NALF1: variants seen among roughly 807,000 people sequenced by gnomAD.
The protein encoded by NALF1 is NALCN channel auxiliary factor 1, also known as family with sequence similarity 155 member A.
A neutral mutation model predicts 48.4 loss-of-function variants in NALF1; 3 were observed. The ratio of observed to expected loss-of-function variants is 0.06; its 90% CI spans 0.03 to 0.16. The LOEUF is 0.16. Among genes scored for constraint, NALF1 ranks in the 10% least tolerant of loss-of-function variants. The pLI is 1.00. For missense variants in NALF1, 526 were observed against 571.5 expected (o/e 0.92, Z 0.81); for synonymous variants, 262 against 245.7 (o/e 1.07, Z -0.62).
intron 1 of NALF1, among the ~76,000 whole-genome samples, chr13:107,593,477 C>G (rs1470247293): frequency 6.6e-6 from 1 of 151,772 alleles, no homozygotes; most frequent in African/African-American, 2.4e-5. Context: ...ACCATAATTT[C>G]CCAGAAGAAA....
At chr13:107,733,296 T>A (rs1211354232) in intron 1 of NALF1, among the ~76,000 whole-genome samples, 2 of 152,174 alleles carry the variant, frequency 1.3e-5, no homozygotes, top group African/African-American at 4.8e-5. Flanking sequence ...AAGCACTTTC[T>A]TTTTCTTGTC....
At chr13:107,409,549 C>T (rs1883954897) in intron 1 of NALF1, among the ~76,000 whole-genome samples, 1 of 152,084 alleles carries the variant, frequency 6.6e-6, no homozygotes, top group Non-Finnish European at 1.5e-5. Context: ...GGGACAAGAT[C>T]TCAGAGTGAG....
At chr13:107,483,869 A>G (rs183059135) in intron 1 of NALF1, among the ~76,000 whole-genome samples, 1 of 152,182 alleles carries the variant, frequency 6.6e-6, no homozygotes, top group Admixed American at 6.5e-5. Context: ...TAAATATAAT[A>G]GTTAAAAAAG....
At chr13:107,468,544 A>C (rs1885045855) in intron 1 of NALF1, among the ~76,000 whole-genome samples, 1 of 152,230 alleles carries the variant, frequency 6.6e-6, no homozygotes, top group Non-Finnish European at 1.5e-5. Flanking sequence ...CATTGTAAAA[A>C]GTATGAAACT....
In NALF1 at chr13:107,551,814, T is replaced by C. The variant is rs148985743; in HGVS notation, c.915+313868A>G. Among the ~76,000 whole-genome samples the C allele has an allele frequency of 2.8e-3, 434 of 152,288 alleles. 1 individual carries two copies. The highest frequency in any genetic ancestry group is 9.6e-3 in the African/African-American group (398 of 41,566). On this transcript the variant is annotated intron_variant, in intron 1 of 2. Transcript: ENST00000375915. Reference sequence around the variant, plus strand: ...ACTTATTTCTGTTAAAGTATGAATATGTTTCTAACAAGGTTATTTATTACA... The same window carrying C: ...ACTTATTTCTGTTAAAGTATGAATACGTTTCTAACAAGGTTATTTATTACA...
intron 1 of NALF1, among the ~76,000 whole-genome samples, chr13:107,705,337 A>G (rs1881921694): frequency 6.6e-6 from 1 of 152,224 alleles, no homozygotes; most frequent in African/African-American, 2.4e-5. Flanking sequence ...GAGTTTTAAA[A>G]ACAAACTTGA....
At chr13:107,270,665 A>T (rs1257577893) in intron 1 of NALF1, among the ~76,000 whole-genome samples, 17 of 148,852 alleles carry the variant, frequency 1.1e-4, no homozygotes, top group African/African-American at 3.3e-4. Flanking sequence ...ATATATATAT[A>T]TTTTTATTAT....
rs561957982 is a variant in NALF1 at position 107,764,443 on chromosome 13, G to A, written c.915+101239C>T. ...AACACTTATACATCTGTGTGTGTGT[G>A]TTTGTGCGTACGTATGTAGACAGAG... On this transcript the variant is annotated intron_variant, in intron 1 of 2. Transcript: ENST00000375915. 1.8e-4 allele frequency among the ~76,000 whole-genome samples: 27 copies of A among 152,204 alleles called. No homozygotes were observed. The South Asian group carries it at 5.2e-3, about 29-fold the overall frequency.
chr13:107,569,449 GC>G (rs1338146604), intron 1 of NALF1, among the ~76,000 whole-genome samples: 4 of 151,826 alleles, frequency 2.6e-5, no homozygotes, highest in Non-Finnish European at 5.9e-5. Context: ...TCCAGCCTGG[GC>G]GACACAGCGA....
At chr13:107,806,091 A>C (rs1399503098) in intron 1 of NALF1, among the ~76,000 whole-genome samples, 1 of 152,192 alleles carries the variant, frequency 6.6e-6, no homozygotes, top group African/African-American at 2.4e-5. Context: ...ATTTGAAGGA[A>C]GCATATAAAC....
chr13:107,798,321 ACTT>A (rs1009247608), intron 1 of NALF1, among the ~76,000 whole-genome samples: 4 of 152,220 alleles, frequency 2.6e-5, no homozygotes, highest in South Asian at 2.1e-4. Flanking sequence ...TAGTATGCTA[ACTT>A]CTTCTCTCTA....
rs977595701 is a variant in NALF1 at position 107,278,105 on chromosome 13, T to A, written c.916-67350A>T. On this transcript the variant is annotated intron_variant, in intron 1 of 2. Transcript: ENST00000375915. ...TGGATCTGAAGTATCCGTTGCCTTG[T>A]TAATCATAGACCACATTGATGATCA... 2.6e-5 allele frequency among the ~76,000 whole-genome samples: 4 copies of A among 152,232 alleles called. No homozygotes were observed. The East Asian group carries it at 7.7e-4, about 29-fold the overall frequency.
intron 1 of NALF1, among the ~76,000 whole-genome samples, chr13:107,847,728 G>A (rs1400189091): frequency 6.6e-6 from 1 of 152,288 alleles, no homozygotes; most frequent in African/African-American, 2.4e-5. Context: ...TTCCCTAGCA[G>A]AGCCTCAAAT....
At position 107,532,598 on chromosome 13, in the gene NALF1, C is replaced by G. The variant is rs191483298; in HGVS notation, c.916-321843G>C. On this transcript the variant is annotated intron_variant, in intron 1 of 2. Coordinates refer to ENST00000375915, the MANE Select transcript of NALF1 (RefSeq NM_001080396.3). ...CTCCATAAACTACTGGAAAATTAAT[C>G]AAATTATATTACATGAAGTTTTTAT... 1.7e-4 allele frequency among the ~76,000 whole-genome samples: 26 copies of G among 152,174 alleles called. No homozygotes were observed. The East Asian group carries it at 4.6e-3, about 27-fold the overall frequency.
At chr13:107,203,199 C>CA (rs1446800556) in intron 2 of NALF1, among the ~76,000 whole-genome samples, 1 of 152,208 alleles carries the variant, frequency 6.6e-6, no homozygotes, top group African/African-American at 2.4e-5. Flanking sequence ...CTCACTTGGC[C>CA]ATATTCTTCC....
chr13:107,332,094 T>C (rs926030848), intron 1 of NALF1, among the ~76,000 whole-genome samples: 1 of 152,238 alleles, frequency 6.6e-6, no homozygotes, highest in Non-Finnish European at 1.5e-5. Context: ...TAGTTTCTGA[T>C]ATTAGGTCTT....
intron 1 of NALF1, among the ~76,000 whole-genome samples, chr13:107,313,283 G>T (rs1882081904): frequency 6.6e-6 from 1 of 151,932 alleles, no homozygotes; most frequent in Non-Finnish European, 1.5e-5. Flanking sequence ...TGAGTTTTCA[G>T]ATTGAAAAGA....
intron 1 of NALF1, among the ~76,000 whole-genome samples, chr13:107,730,335 G>C (rs1876274968): frequency 6.6e-6 from 1 of 152,142 alleles, no homozygotes; most frequent in African/African-American, 2.4e-5. Flanking sequence ...TAACAACCTA[G>C]TCTTATCCTC....
chr13:107,288,049 G>T (rs1049326464), intron 1 of NALF1, among the ~76,000 whole-genome samples: 1 of 151,714 alleles, frequency 6.6e-6, no homozygotes, highest in Admixed American at 6.6e-5. Flanking sequence ...TAATTCAAAA[G>T]ACTTCATTCT....
Sources: gnomAD v4.1 joint callset for allele counts (sites outside exome capture counted in the v4.1 genomes callset) on GRCh38, gnomAD v4.1.1 for gene constraint, MANE v1.5 for transcripts, NCBI Gene and HGNC (gene_info 2026-07-23, HGNC 2026-07-21) for gene names.